CLN3: variants seen among roughly 807,000 people sequenced by gnomAD.
CLN3 encodes the protein CLN3 lysosomal/endosomal transmembrane protein, battenin, also known as battenin.
Under a neutral mutation model 60.7 loss-of-function variants are expected in CLN3, and 49 were observed. The ratio of observed to expected loss-of-function variants is 0.81; its 90% CI spans 0.64 to 1.02. CLN3 has a LOEUF of 1.02. Among genes scored for constraint, CLN3 ranks in the 50% least tolerant of loss-of-function variants. The probability of loss-of-function intolerance (pLI) is 0.00; values close to 1 mark genes in which losing one functional copy is unlikely to be tolerated. For synonymous variants in CLN3, 256 were observed against 245.8 expected, an observed-to-expected ratio of 1.04 and a Z score of -0.39; for missense variants, 516 against 557.4, an observed-to-expected ratio of 0.93 and a Z score of 0.75.
At position 28,482,374 on chromosome 16, in the gene CLN3, G is replaced by C. The variant is rs759304422; in HGVS notation, c.915C>G (p.Leu305=). ...EYFINQGLFE[L]LFFWNTSLSH... ...TCAGGGAAGTGTTCCAGAAAAAGAG[G>C]AGTTCAAACTGCAACAAATACCAGA... is the stretch of plus-strand genomic sequence containing the variant. The change falls in exon 13 of 16, where the codon CTC becomes CTG. Residue 305 remains leucine, a synonymous_variant. Transcript: ENST00000636147. 3 of 1,613,998 alleles carry C rather than the reference G, an allele frequency of 1.9e-6. No homozygotes were observed. Among genetic ancestry groups the C allele is most frequent in the East Asian group, 2.2e-5 (1 of 44,874 alleles).
At chr16:28,484,231 A>G in intron 9 of CLN3, 113 bp from the exon 10 acceptor site, 1 of 762,316 alleles carries the variant, frequency 1.3e-6, no homozygotes, top group Non-Finnish European at 2.3e-6. Flanking sequence ...ACTTTCAAAG[A>G]TGGGTAGCTC....
chr16:28,481,957 A>T (rs2046102484), intron 14 of CLN3, 148 bp downstream of exon 14: 1 of 616,902 alleles, frequency 1.6e-6, no homozygotes, highest in African/African-American at 1.9e-5. Context: ...ACTGCACTCC[A>T]GCCTGGACGA....
Position 28,486,329 on chromosome 16 carries a change from C to A in CLN3, c.677+18G>T, listed in dbSNP as rs200503055. The A allele has an allele frequency of 1.9e-6, 3 of 1,611,584 alleles. No homozygotes were observed. Among genetic ancestry groups the A allele is most frequent in the Non-Finnish European group, 1.7e-6 (2 of 1,179,920 alleles). ...TCTCTCCTTGGACCCCTCTCCCTCC[C>A]GGCTCAGGGCAGCTCACCTGGCCAG... On this transcript the variant is annotated intron_variant, in intron 9 of 15. Coordinates refer to ENST00000636147, the MANE Select transcript of CLN3 (RefSeq NM_001042432.2).
Position 28,482,681 on chromosome 16 carries a change from G to C in CLN3, c.791-9C>G. 6.2e-7 allele frequency: 1 copy of C among 1,614,174 alleles called. No homozygotes were observed. The highest frequency in any genetic ancestry group is 8.5e-7 in the Non-Finnish European group (1 of 1,180,022). On this transcript the variant is annotated splice_polypyrimidine_tract_variant and intron_variant, in intron 10 of 15. Transcript: ENST00000636147. ...GAGGCTGGAGCTGGAGCCTGCAGGG[G>C]AACAGAGAGAGAAGGGCAGATGAAG...
At chr16:28,491,635 G>C (rs2046317204) in intron 2 of CLN3, 75 bp from the exon 3 acceptor site, 2 of 1,613,542 alleles carry the variant, frequency 1.2e-6, no homozygotes, top group Non-Finnish European at 1.7e-6. Context: ...TCCTCCCGGG[G>C]CCGAGTCAGC....
intron 10 of CLN3, among the ~76,000 whole-genome samples, chr16:28,483,703 CCTTT>C (rs1417044648): frequency 6.9e-5 from 10 of 145,698 alleles, no homozygotes; most frequent in African/African-American, 1.0e-4. Context: ...TCCCTTCCTT[CCTTT>C]CTTTTCTTTT....
chr16:28,472,839 G>A (rs1279529983), downstream of CLN3, among the ~76,000 whole-genome samples: 26 of 147,836 alleles, frequency 1.8e-4, no homozygotes, highest in Non-Finnish European at 2.5e-4. Context: ...GGGTTTCACC[G>A]TGTTAGGCAG....
At chr16:28,480,569 T>G (rs2046073002) in intron 14 of CLN3, among the ~76,000 whole-genome samples, 1 of 151,856 alleles carries the variant, frequency 6.6e-6, no homozygotes, top group African/African-American at 2.4e-5. Context: ...CCCAACTAAT[T>G]TTTGCATTTT....
At chr16:28,468,690 C>T in the CLN3 span, among the ~76,000 whole-genome samples, 1 of 142,644 alleles carries the variant, frequency 7.0e-6, no homozygotes, top group Non-Finnish European at 1.5e-5. Context: ...GCCTACAGTT[C>T]CAGCTACTTG....
At chr16:28,481,460 A>ACACGCG (rs761076929) in intron 14 of CLN3, among the ~76,000 whole-genome samples, 8 of 148,894 alleles carry the variant, frequency 5.4e-5, no homozygotes, top group East Asian at 4.0e-4. Flanking sequence ...ACACGCACAC[A>ACACGCG]CACACACACA....
downstream of CLN3, among the ~76,000 whole-genome samples, chr16:28,474,443 G>C (rs1190316354): frequency 6.6e-6 from 1 of 152,008 alleles, no homozygotes; most frequent in African/African-American, 2.4e-5. Flanking sequence ...CTGCGCAACA[G>C]AGCGAGACTG....
Position 28,486,583 on chromosome 16 carries a change from G to A in CLN3, c.528C>T (p.Tyr176=). The A allele has an allele frequency of 6.2e-7, 1 of 1,610,828 alleles. No homozygotes were observed. Among genetic ancestry groups the A allele is most frequent in the Non-Finnish European group, 8.5e-7 (1 of 1,178,616 alleles). ...TCCCTGCTCCACCTGCTTACCTGGG[G>A]TAGAAGGCAGTGAGGGAGAGGAAGG... ...EVTFLSLTAF[Y]PRAVISWWSS... is the part of the protein sequence containing the mutation. The change falls in exon 8 of 16, where the codon TAC becomes TAT. Residue 176 remains tyrosine (Y), a synonymous_variant. Coordinates refer to ENST00000636147, the MANE Select transcript of CLN3 (RefSeq NM_001042432.2).
chr16:28,470,186 T>G (rs1213317494), downstream of CLN3, among the ~76,000 whole-genome samples: 2 of 133,076 alleles, frequency 1.5e-5, no homozygotes, highest in Non-Finnish European at 3.1e-5. Context: ...TAATCTTTTT[T>G]GGAATTTTTT....
chr16:28,470,594 G>T (rs1311100383), downstream of CLN3: 5 of 50,264 alleles, frequency 9.9e-5, no homozygotes, highest in East Asian at 9.0e-4. Flanking sequence ...GAAGGGGAGG[G>T]GGAGGGGAAG....
rs1433950864 is a variant in CLN3, at chr16:28,477,548, G to T, written c.1285C>A (p.Pro429Thr). The T allele has an allele frequency of 1.2e-6, 2 of 1,613,888 alleles. No individual in the cohort carries two copies. Among genetic ancestry groups the T allele is most frequent in the South Asian group, 2.2e-5 (2 of 91,074 alleles). The part of the protein sequence containing the change: ...GISLSGLLAL[P>T]LHDFLCQLS ...AGCTGGCAGAGGAAGTCATGCAGAG[G>T]CAAAGCCAGGAGCCCCGACAGGGAG... Residue 429 changes from proline (P) to threonine (T), a missense_variant, in exon 16 of 16, where the codon CCT becomes ACT. Transcript: ENST00000636147.
intron 14 of CLN3, among the ~76,000 whole-genome samples, chr16:28,478,523 G>A (rs543656286): frequency 6.7e-6 from 1 of 150,220 alleles, no homozygotes; most frequent in African/African-American, 2.5e-5. Flanking sequence ...GTCTGAGACA[G>A]GAGGATTGCT....
chr16:28,477,148 A>C (rs2046006361), downstream of CLN3: 2 of 327,902 alleles, frequency 6.1e-6, no homozygotes, highest in Middle Eastern at 1.1e-3. Context: ...CAAACAAACA[A>C]ACAAACAAAC....
intron 14 of CLN3, among the ~76,000 whole-genome samples, chr16:28,481,625 A>C (rs1227878066): frequency 6.6e-6 from 1 of 152,050 alleles, no homozygotes; most frequent in East Asian, 1.9e-4. Context: ...GTGGCTGAGT[A>C]CTGAAGCTCA....
intron 14 of CLN3, among the ~76,000 whole-genome samples, chr16:28,478,625 A>AAAAAAAAC (rs2046037115): frequency 1.3e-5 from 1 of 74,200 alleles, no homozygotes; most frequent in African/African-American, 3.3e-5. Flanking sequence ...CATAAAAAAA[A>AAAAAAAAC]AAAAAAAAAA....
Sources: allele counts gnomAD v4.1 joint callset (sites outside exome capture counted in the v4.1 genomes callset), GRCh38; gene constraint gnomAD v4.1.1; transcripts MANE v1.5; gene names NCBI Gene and HGNC (gene_info 2026-07-23, HGNC 2026-07-21).